Variants in B9D1 observed in about 807,000 individuals in gnomAD.
B9D1 encodes the protein B9 domain containing 1, also known as B9 domain-containing protein 1.
In B9D1, 20 loss-of-function variants were observed where a neutral mutation model predicts 26.1. The ratio of observed to expected loss-of-function variants is 0.77; its 90% CI spans 0.54 to 1.12. The LOEUF (loss-of-function observed/expected upper bound fraction) is 1.12, where lower values mean the gene tolerates loss of function less well. Among genes scored for constraint, B9D1 ranks in the 50% most tolerant of loss-of-function variants. B9D1 has a pLI of 0.00. For synonymous variants in B9D1, 105 were observed against 103.1 expected (o/e 1.02, Z -0.11); for missense variants, 260 against 273.7 (o/e 0.95, Z 0.35).
intron 1 of B9D1, 112 bp downstream of exon 1, chr17:19,362,395 G>T (rs1911208753): frequency 1.3e-6 from 1 of 778,944 alleles, no homozygotes; most frequent in Admixed American, 2.9e-5. Context: ...TAACCGAGAG[G>T]CTCAGAGGAA....
intron 3 of B9D1, among the ~76,000 whole-genome samples, chr17:19,349,111 A>G (rs1326478887): frequency 6.6e-6 from 1 of 151,840 alleles, no homozygotes; most frequent in East Asian, 1.9e-4. Context: ...ATCAGCCAGC[A>G]CTCCCCCAGC....
upstream of B9D1, among the ~76,000 whole-genome samples, chr17:19,367,221 G>A (rs965063350): frequency 5.3e-5 from 8 of 151,958 alleles, no homozygotes; most frequent in Non-Finnish European, 7.4e-5. Context: ...AGATGGAGCC[G>A]CTTTGGCCTC....
intron 3 of B9D1, among the ~76,000 whole-genome samples, chr17:19,355,526 A>AT (rs987959481): frequency 1.3e-4 from 9 of 70,542 alleles, no homozygotes; most frequent in Admixed American, 4.2e-4. Flanking sequence ...TCTGTCTGCA[A>AT]TTAAAAAAAA....
Position 19,360,353 on chromosome 17 carries a change from G to A in B9D1, c.99C>T (p.Cys33=), listed in dbSNP as rs1910884202. The change falls in exon 2 of 7, where the codon TGC becomes TGT. Residue 33 remains cysteine, a synonymous_variant. Transcript: ENST00000261499. ...PEYDDLYCKY[C]FVYGQDWAPT... is the part of the protein sequence containing the mutation. Reference sequence around the variant, plus strand: ...GGGCCCAGTCCTGGCCGTACACAAAGCAGTACTTGCAGTAGAGGTCATCAT... The same window carrying A: ...GGGCCCAGTCCTGGCCGTACACAAAACAGTACTTGCAGTAGAGGTCATCAT... 3 of 1,613,850 alleles carry A rather than the reference G, an allele frequency of 1.9e-6. No individual in the cohort carries two copies. The highest frequency in any genetic ancestry group is 3.3e-5 in the Admixed American group (2 of 60,006).
chr17:19,376,367 C>T (rs1471023252), intron 1 of B9D1, among the ~76,000 whole-genome samples: 1 of 152,090 alleles, frequency 6.6e-6, no homozygotes, highest in South Asian at 2.1e-4. Flanking sequence ...GTTGGACATG[C>T]CTTATTATAC....
At chr17:19,368,793 A>G (rs920321860) in intron 1 of B9D1, among the ~76,000 whole-genome samples, 3 of 152,092 alleles carry the variant, frequency 2.0e-5, no homozygotes, top group African/African-American at 7.2e-5. Context: ...AATACAATAA[A>G]TAAATTAGCC....
Position 19,343,809 on chromosome 17 carries a change from A to G in B9D1, c.453T>C (p.Ala151=), listed in dbSNP as rs747986383. Residue 151 remains alanine (A), a synonymous_variant, in exon 6 of 7, where the codon GCT becomes GCC. Coordinates refer to ENST00000261499, the MANE Select transcript of B9D1 (RefSeq NM_015681.6). ...RPEYTDPKVV[A]QGEGREVTRV... ...CTTTACCTTCCCGGCCTTCACCCTG[A>G]GCCACCACCTTGGGGTCTGTGTACT... 6 of 1,614,112 alleles carry G rather than the reference A, an allele frequency of 3.7e-6. No homozygotes were observed. Among genetic ancestry groups the G allele is most frequent in the South Asian group, 3.3e-5 (3 of 91,084 alleles).
rs532364467 is a variant in B9D1, at chr17:19,367,901, T to C, written c.-297-7513A>G. Among the ~76,000 whole-genome samples the C allele has an allele frequency of 2.3e-3, 353 of 152,194 alleles. 1 individual carries two copies. Among genetic ancestry groups the C allele is most frequent in the African/African-American group, 8.2e-3 (339 of 41,516 alleles). On this transcript the variant is annotated intron_variant, in intron 1 of 5. Transcript: ENST00000477478. ...AGACTCAAAGTCCCGGCATATGCAG[T>C]GGAGGGTGGGTGCACTGGGATCATT...
chr17:19,367,208 C>T (rs1481696178), upstream of B9D1, among the ~76,000 whole-genome samples: 1 of 152,016 alleles, frequency 6.6e-6, no homozygotes, highest in Non-Finnish European at 1.5e-5. Flanking sequence ...AGATTTGCCT[C>T]TGAGATGGAG....
At chr17:19,343,940 C>G (rs1035785679) in intron 5 of B9D1, 83 bp from the exon 6 acceptor site, 1 of 1,592,862 alleles carries the variant, frequency 6.3e-7, no homozygotes, top group African/African-American at 1.3e-5. Flanking sequence ...GGGCTCTCCT[C>G]GGTTCAGAAA....
At chr17:19,338,263 G>C (rs1415899412), downstream of B9D1, among the ~76,000 whole-genome samples, 1 of 152,238 alleles carries the variant, frequency 6.6e-6, no homozygotes, top group Non-Finnish European at 1.5e-5. Context: ...ACCTGATGGT[G>C]CCCTGCTCTG....
At chr17:19,346,891 C>T (rs975453806) in intron 5 of B9D1, 32 of 1,420,448 alleles carry the variant, frequency 2.3e-5, no homozygotes, top group Middle Eastern at 2.6e-4. Flanking sequence ...CAGAGACTCC[C>T]ACATGTAAAG....
At chr17:19,367,175 G>C (rs2152281896), upstream of B9D1, among the ~76,000 whole-genome samples, 1 of 152,236 alleles carries the variant, frequency 6.6e-6, no homozygotes, top group South Asian at 2.1e-4. Context: ...CTGGAACTGG[G>C]GTCAATCAGA....
chr17:19,365,941 C>G (rs1911572524), upstream of B9D1, among the ~76,000 whole-genome samples: 1 of 151,296 alleles, frequency 6.6e-6, no homozygotes, highest in African/African-American at 2.4e-5. This position sits in a 1 kb window ranked among gnomAD's most constrained non-coding sequence, Gnocchi z 5.0. Context: ...GGTGCTCCTG[C>G]TTTTTCATGC....
At chr17:19,364,413 A>T (rs942063513), upstream of B9D1, 3 of 152,278 alleles carry the variant, frequency 2.0e-5, no homozygotes, top group Non-Finnish European at 4.4e-5. This position sits in a 1 kb window ranked among gnomAD's most constrained non-coding sequence, Gnocchi z 4.3. Context: ...AGGGGCTTGC[A>T]TAGGGCCTGC....
chr17:19,367,674 T>G (rs1041318173), upstream of B9D1, among the ~76,000 whole-genome samples: 2 of 152,246 alleles, frequency 1.3e-5, no homozygotes, highest in South Asian at 4.1e-4. Context: ...TCTTTGCAAA[T>G]GTTGTTCCTT....
At chr17:19,345,973 C>T (rs1326633279) in intron 5 of B9D1, among the ~76,000 whole-genome samples, 2 of 152,252 alleles carry the variant, frequency 1.3e-5, no homozygotes, top group African/African-American at 4.8e-5. Flanking sequence ...TGCCCAGTTG[C>T]GAGCCCCTCC....
At chr17:19,349,183 A>G (rs1909268432) in intron 3 of B9D1, among the ~76,000 whole-genome samples, 1 of 152,132 alleles carries the variant, frequency 6.6e-6, no homozygotes. Context: ...AATCTTTTAA[A>G]TTTGAGCCGT....
In B9D1 at chr17:19,347,066, A is replaced by G; in HGVS notation, c.404+203T>C. ...GATTTTTCACAGGGCACAGGGTAAA[A>G]TCGCCCGGCCTTCTGCTGCTGGAAC... On this transcript the variant is annotated intron_variant, in intron 5 of 6. Transcript: ENST00000261499. This position sits in a 1 kb window ranked among gnomAD's most constrained non-coding sequence, Gnocchi z 4.3. 6.4e-7 allele frequency: 1 copy of G among 1,550,846 alleles called. No homozygotes were observed. Among genetic ancestry groups the G allele is most frequent in the South Asian group, 1.2e-5 (1 of 84,256 alleles).
Sources: allele counts gnomAD v4.1 joint callset (sites outside exome capture counted in the v4.1 genomes callset), GRCh38; gene constraint gnomAD v4.1.1; non-coding constraint Gnocchi (gnomAD v3.1); transcripts MANE v1.5; gene names NCBI Gene and HGNC (gene_info 2026-07-23, HGNC 2026-07-21).